The following PDE12 variants were observed in gnomAD, a reference collection of about 807,000 sequenced individuals.
PDE12 encodes the protein phosphodiesterase 12, also known as 2',5'-phosphodiesterase 12.
In PDE12, 26 loss-of-function variants were observed where a neutral mutation model predicts 45.4. That is an observed-to-expected ratio of 0.57 (90% confidence interval 0.42 to 0.79). The LOEUF is 0.79. Among genes scored for constraint, PDE12 ranks in the 30% least tolerant of loss-of-function variants. The pLI, the probability that PDE12 is intolerant of heterozygous loss-of-function variation, is 0.00. For synonymous variants in PDE12, 283 were observed against 323.9 expected (o/e 0.87, Z 1.36); for missense variants, 668 against 790.0 (o/e 0.85, Z 1.85).
chr3:57,645,621 T>C, the PDE12 span: 3 of 1,453,072 alleles, frequency 2.1e-6, no homozygotes, highest in African/African-American at 2.8e-5. Flanking sequence ...ATTTTGGTTA[T>C]AAAGGTAATA....
the PDE12 span, among the ~76,000 whole-genome samples, chr3:57,581,644 T>A: frequency 2.6e-5 from 4 of 152,024 alleles, no homozygotes; most frequent in African/African-American, 7.2e-5. Flanking sequence ...CTACTAAAAA[T>A]ACAAAATTAG....
chr3:57,650,257 C>T, the PDE12 span, among the ~76,000 whole-genome samples: 4 of 151,300 alleles, frequency 2.6e-5, no homozygotes, highest in African/African-American at 9.7e-5. Context: ...ATTCATGCAA[C>T]CAAACACCAC....
downstream of PDE12, among the ~76,000 whole-genome samples, chr3:57,569,068 G>C (rs1238120384): frequency 2.0e-5 from 3 of 152,084 alleles, no homozygotes; most frequent in Non-Finnish European, 4.4e-5. Flanking sequence ...CGGTCACAGA[G>C]AACTCTTATT....
At chr3:57,630,940 A>G in the PDE12 span, 3 of 1,613,548 alleles carry the variant, frequency 1.9e-6, no homozygotes, top group South Asian at 3.3e-5. Context: ...ATGGGGAAAT[A>G]CTTTTCTGCA....
chr3:57,616,814 A>G, the PDE12 span, among the ~76,000 whole-genome samples: 1 of 152,280 alleles, frequency 6.6e-6, no homozygotes, highest in African/African-American at 2.4e-5. Context: ...GCCTGAGCTC[A>G]GGAGTTCAAG....
chr3:57,628,770 A>G, the PDE12 span: 9 of 1,590,880 alleles, frequency 5.7e-6, no homozygotes, highest in Non-Finnish European at 7.7e-6. Flanking sequence ...AATGTCTTCA[A>G]AGAAAAGTCA....
the PDE12 span, among the ~76,000 whole-genome samples, chr3:57,594,473 C>CA: frequency 6.6e-6 from 1 of 152,138 alleles, no homozygotes; most frequent in Admixed American, 6.6e-5. Flanking sequence ...TAATTTCTGT[C>CA]AATCAATAGT....
chr3:57,620,147 G>A, the PDE12 span, among the ~76,000 whole-genome samples: 1 of 151,944 alleles, frequency 6.6e-6, no homozygotes, highest in Non-Finnish European at 1.5e-5. Flanking sequence ...ACTTGAACCT[G>A]GGAGATGGAG....
At chr3:57,568,217 A>G (rs1377017782), downstream of PDE12, among the ~76,000 whole-genome samples, 2 of 151,918 alleles carry the variant, frequency 1.3e-5, no homozygotes. Context: ...TAATCCCAGC[A>G]CTTTGGGAGG....
At chr3:57,615,785 C>T in the PDE12 span, among the ~76,000 whole-genome samples, 2 of 151,638 alleles carry the variant, frequency 1.3e-5, no homozygotes, top group Admixed American at 1.3e-4. Context: ...GTCTGGATGC[C>T]AGAGCGAGAC....
At chr3:57,624,244 A>G in the PDE12 span, among the ~76,000 whole-genome samples, 2 of 151,070 alleles carry the variant, frequency 1.3e-5, no homozygotes, top group African/African-American at 4.9e-5. Flanking sequence ...TCCGCCTCCC[A>G]GGTTCACACC....
At chr3:57,626,274 T>C in the PDE12 span, 1 of 152,600 alleles carries the variant, frequency 6.6e-6, no homozygotes, top group Non-Finnish European at 1.5e-5. Flanking sequence ...AGGAATGCCC[T>C]TAAGAGTTAT....
At chr3:57,580,903 G>A in the PDE12 span, among the ~76,000 whole-genome samples, 1 of 151,802 alleles carries the variant, frequency 6.6e-6, no homozygotes, top group Non-Finnish European at 1.5e-5. Context: ...ATAAGCCACT[G>A]CACCCAGCCT....
chr3:57,642,459 G>C, the PDE12 span, among the ~76,000 whole-genome samples: 4 of 152,058 alleles, frequency 2.6e-5, no homozygotes, highest in African/African-American at 9.7e-5. Flanking sequence ...GGATGAGAGA[G>C]GGAAGAGTGA....
At chr3:57,606,745 T>C in the PDE12 span, among the ~76,000 whole-genome samples, 1 of 152,140 alleles carries the variant, frequency 6.6e-6, no homozygotes, top group Non-Finnish European at 1.5e-5. Flanking sequence ...TGGTATAATA[T>C]CACTGAAGGT....
At chr3:57,585,102 G>C in the PDE12 span, among the ~76,000 whole-genome samples, 2 of 152,108 alleles carry the variant, frequency 1.3e-5, no homozygotes, top group Admixed American at 1.3e-4. Context: ...GGCCTCAAGT[G>C]ATCTGCCAGC....
chr3:57,601,619 G>A, the PDE12 span, among the ~76,000 whole-genome samples: 3 of 152,030 alleles, frequency 2.0e-5, no homozygotes, highest in Admixed American at 2.0e-4. Flanking sequence ...TTGGTATCAC[G>A]GGGATCCTGG....
the PDE12 span, among the ~76,000 whole-genome samples, chr3:57,651,031 AC>A: frequency 6.6e-5 from 10 of 151,970 alleles, no homozygotes; most frequent in Admixed American, 6.6e-4. Context: ...TGATCTGACC[AC>A]CTTGGCCTCC....
chr3:57,588,356 G>A, the PDE12 span, among the ~76,000 whole-genome samples: 4 of 152,074 alleles, frequency 2.6e-5, no homozygotes, highest in African/African-American at 9.7e-5. Context: ...CTTGAGCCCA[G>A]GAGTTTGAAA....
Sources: gnomAD v4.1 joint callset for allele counts (sites outside exome capture counted in the v4.1 genomes callset) on GRCh38, gnomAD v4.1.1 for gene constraint, MANE v1.5 for transcripts, NCBI Gene and HGNC (gene_info 2026-07-23, HGNC 2026-07-21) for gene names.